The following RTKN2 variants were observed in gnomAD, a reference collection of about 807,000 sequenced individuals.
RTKN2 encodes the protein rhotekin 2, also known as rhotekin-2.
In RTKN2, 69 loss-of-function variants were observed where a neutral mutation model predicts 71.5. The ratio of observed to expected loss-of-function variants is 0.96; its 90% CI spans 0.79 to 1.18. RTKN2 has a LOEUF of 1.18. RTKN2 is among the 50% of genes most tolerant of loss of function. RTKN2 has a pLI of 0.00. For synonymous variants in RTKN2, 236 were observed against 236.5 expected, an observed-to-expected ratio of 1.00 and a Z score of 0.02; for missense variants, 724 against 719.7, an observed-to-expected ratio of 1.01 and a Z score of -0.07.
chr10:62,237,756 A>G (rs1842288463), intron 5 of RTKN2, among the ~76,000 whole-genome samples: 1 of 151,646 alleles, frequency 6.6e-6, no homozygotes, highest in Non-Finnish European at 1.5e-5. Context: ...CTGGTTATAC[A>G]GGGGAAAAAT....
Position 62,236,222 on chromosome 10 carries a change from T to C in RTKN2, c.530A>G (p.Tyr177Cys). 9 of 1,612,018 alleles carry C rather than the reference T, an allele frequency of 5.6e-6. No individual in the cohort carries two copies. Among genetic ancestry groups the C allele is most frequent in the Non-Finnish European group, 7.6e-6 (9 of 1,178,596 alleles). Reference protein sequence around the residue: ...GPDFQIKVEVYSCCTEESSIT... With the variant: ...GPDFQIKVEVCSCCTEESSIT... The stretch of plus-strand genomic sequence containing the variant: ...AGAAGATTCTTCTGTACAGCAACTA[T>C]ACACTTCCACCTTTATCTGAAAGTC... Residue 177 changes from tyrosine (Y) to cysteine (C), a missense_variant, in exon 6 of 12, where the codon TAT becomes TGT. Coordinates refer to ENST00000373789, the MANE Select transcript of RTKN2 (RefSeq NM_145307.4).
At chr10:62,203,945 C>T (rs1174965855) in intron 10 of RTKN2, among the ~76,000 whole-genome samples, 2 of 152,138 alleles carry the variant, frequency 1.3e-5, no homozygotes, top group Non-Finnish European at 2.9e-5. Flanking sequence ...TGCCTCTTAC[C>T]CAACTTCTAA....
intron 9 of RTKN2, among the ~76,000 whole-genome samples, chr10:62,214,803 A>C (rs1350327156): frequency 6.6e-6 from 1 of 152,096 alleles, no homozygotes; most frequent in African/African-American, 2.4e-5. Context: ...GAGAGGAAAA[A>C]GTCTAATTTT....
chr10:62,202,923 G>T (rs575392611), intron 10 of RTKN2, among the ~76,000 whole-genome samples: 4 of 152,324 alleles, frequency 2.6e-5, no homozygotes, highest in African/African-American at 9.6e-5. Context: ...CACTTTGGGG[G>T]GCTGAGGTGG....
intron 8 of RTKN2, chr10:62,184,455 AAT>A: frequency 1.3e-6 from 1 of 780,188 alleles, no homozygotes; most frequent in African/African-American, 1.8e-5. Flanking sequence ...AGTCACCACC[AAT>A]CAGAATCACA....
chr10:62,226,749 G>T (rs1050235796), intron 6 of RTKN2, among the ~76,000 whole-genome samples: 3 of 152,070 alleles, frequency 2.0e-5, no homozygotes, highest in Non-Finnish European at 4.4e-5. Flanking sequence ...TTTCCCTATT[G>T]TTCACATAAT....
At position 62,245,999 on chromosome 10, in the gene RTKN2, C is replaced by T; in HGVS notation, c.316G>A (p.Asp106Asn). 6.4e-7 allele frequency: 1 copy of T among 1,567,166 alleles called. No homozygotes were observed. The highest frequency in any genetic ancestry group is 8.7e-7 in the Non-Finnish European group (1 of 1,147,682). ...TATAAAAGATTCATTTATAGCATAC[C>T]TGATATGGCAATCTTTCCTTTACAT... ...TACKGKIAIS[D>N]IRIPLMWKDS... Residue 106 changes from aspartate to asparagine, a missense_variant and splice_region_variant, in exon 3 of 12, where the codon GAT becomes AAT. Physicochemically the swap from Asp to Asn is conservative, Grantham distance 23. Transcript: ENST00000373789.
intron 6 of RTKN2, among the ~76,000 whole-genome samples, chr10:62,227,344 C>A (rs1842049049): frequency 6.6e-6 from 1 of 151,986 alleles, no homozygotes; most frequent in South Asian, 2.1e-4. Context: ...AGAAGAAGGC[C>A]TATCTGCAAA....
intron 8 of RTKN2, 45 bp downstream of exon 8, chr10:62,218,150 T>G: frequency 8.1e-7 from 1 of 1,234,226 alleles, no homozygotes; most frequent in Non-Finnish European, 1.2e-6. Flanking sequence ...TATTAAGATT[T>G]AAAGTAGAGC....
At chr10:62,219,769 C>T (rs184593632) in intron 7 of RTKN2, among the ~76,000 whole-genome samples, 10 of 151,674 alleles carry the variant, frequency 6.6e-5, no homozygotes, top group South Asian at 4.2e-4. Flanking sequence ...GGTAATATAC[C>T]GATACCCATC....
chr10:62,260,391 T>A (rs1223978561), intron 2 of RTKN2, among the ~76,000 whole-genome samples: 1 of 152,236 alleles, frequency 6.6e-6, no homozygotes, highest in East Asian at 1.9e-4. Flanking sequence ...TTTCTAGTTA[T>A]ATCTGATCAG....
At chr10:62,244,804 T>C (rs1473393381) in intron 3 of RTKN2, among the ~76,000 whole-genome samples, 1 of 152,212 alleles carries the variant, frequency 6.6e-6, no homozygotes, top group Admixed American at 6.5e-5. Context: ...ATTCCAGTTA[T>C]TTTCTGAAGA....
At chr10:62,190,506 G>A (rs547774328), downstream of RTKN2, among the ~76,000 whole-genome samples, 10 of 152,168 alleles carry the variant, frequency 6.6e-5, 1 homozygote, top group African/African-American at 2.4e-4. Flanking sequence ...AGACTCCCTC[G>A]CCTGGCATCA....
At position 62,242,819 on chromosome 10, in the gene RTKN2, A is replaced by G. The variant is rs1238409375; in HGVS notation, c.317-1624T>C. ...TAATTTTTTGATTTTCAGTAGAGAC[A>G]AGGGGTTCACCATGTAGGCCAGGTT... On this transcript the variant is annotated intron_variant, in intron 3 of 11. Coordinates refer to ENST00000373789, the MANE Select transcript of RTKN2 (RefSeq NM_145307.4). Among the ~76,000 whole-genome samples the G allele has an allele frequency of 4.0e-5, 6 of 151,674 alleles. No homozygotes were observed. The East Asian group carries it at 1.2e-3, about 29-fold the overall frequency.
intron 2 of RTKN2, among the ~76,000 whole-genome samples, chr10:62,253,141 T>C (rs1227706119): frequency 6.6e-6 from 1 of 151,928 alleles, no homozygotes; most frequent in African/African-American, 2.4e-5. Flanking sequence ...TCAGAAAGGC[T>C]AAAAATAAGG....
At chr10:62,252,429 G>A (rs926568836) in intron 2 of RTKN2, among the ~76,000 whole-genome samples, 1 of 152,058 alleles carries the variant, frequency 6.6e-6, no homozygotes, top group African/African-American at 2.4e-5. Context: ...TCATGTGGAA[G>A]AATCTTCTAG....
intron 4 of RTKN2, among the ~76,000 whole-genome samples, 162 bp from the exon 5 acceptor site, chr10:62,239,927 A>G (rs1414623886): frequency 2.6e-5 from 4 of 152,154 alleles, no homozygotes; most frequent in Non-Finnish European, 4.4e-5. Context: ...CCCAGTATAT[A>G]GGAATACCTT....
chr10:62,210,480 A>G (rs975367803), intron 9 of RTKN2, among the ~76,000 whole-genome samples: 6 of 152,202 alleles, frequency 3.9e-5, no homozygotes, highest in African/African-American at 1.4e-4. Flanking sequence ...AACCAAAGTC[A>G]GTCTATTATT....
At chr10:62,251,255 C>T (rs1842575539) in intron 2 of RTKN2, among the ~76,000 whole-genome samples, 1 of 152,100 alleles carries the variant, frequency 6.6e-6, no homozygotes, top group African/African-American at 2.4e-5. Flanking sequence ...ATTTGCATAG[C>T]TTTTATTACA....
Sources: allele counts gnomAD v4.1 joint callset (sites outside exome capture counted in the v4.1 genomes callset), GRCh38; gene constraint gnomAD v4.1.1; transcripts MANE v1.5; gene names NCBI Gene and HGNC (gene_info 2026-07-23, HGNC 2026-07-21).